SERINC5: variants seen among roughly 807,000 people sequenced by gnomAD.
The protein encoded by SERINC5 is serine incorporator 5.
In SERINC5, 41 loss-of-function variants were observed where a neutral mutation model predicts 63.1. That is an observed-to-expected ratio of 0.65 (90% CI 0.51 to 0.84). The LOEUF (loss-of-function observed/expected upper bound fraction) is 0.84. Ranked by LOEUF, SERINC5 falls within the 40% of genes least tolerant of loss-of-function variation. SERINC5 has a pLI of 0.00. For missense variants in SERINC5, 523 were observed against 573.0 expected, an observed-to-expected ratio of 0.91 and a Z score of 0.89; for synonymous variants, 222 against 215.2, an observed-to-expected ratio of 1.03 and a Z score of -0.28.
intron 2 of SERINC5, among the ~76,000 whole-genome samples, chr5:80,193,130 AT>A (rs1561413165): frequency 6.6e-6 from 1 of 152,166 alleles, no homozygotes; most frequent in East Asian, 1.9e-4. Context: ...CAGCTAGGCA[AT>A]TTTTTAAACT....
At chr5:80,119,338 G>A (rs111660915) in intron 11 of SERINC5, among the ~76,000 whole-genome samples, 5 of 152,188 alleles carry the variant, frequency 3.3e-5, no homozygotes, top group African/African-American at 9.7e-5. Context: ...AAGGTGGGGT[G>A]ACAAACTGGC....
intron 1 of SERINC5, among the ~76,000 whole-genome samples, chr5:80,226,043 G>GAAA (rs57623969): frequency 1.4e-5 from 2 of 145,740 alleles, no homozygotes; most frequent in Non-Finnish European, 1.5e-5. Context: ...CTCCCCAAAG[G>GAAA]AAAAAAAAAA....
intron 2 of SERINC5, among the ~76,000 whole-genome samples, chr5:80,191,479 CAAAAAAA>C (rs1167390197): frequency 5.4e-4 from 21 of 38,542 alleles, no homozygotes; most frequent in African/African-American, 9.8e-4. Context: ...TCCATCTCTA[CAAAAAAA>C]AAAAAAAAAG....
intron 2 of SERINC5, among the ~76,000 whole-genome samples, 178 bp downstream of exon 2, chr5:80,202,708 T>C (rs1010687492): frequency 6.6e-6 from 1 of 152,204 alleles, no homozygotes; most frequent in Admixed American, 6.5e-5. Context: ...GGTTTTCCTG[T>C]TTAGCCAGAA....
At chr5:80,167,514 C>T (rs1312061109) in intron 6 of SERINC5, among the ~76,000 whole-genome samples, 2 of 152,068 alleles carry the variant, frequency 1.3e-5, no homozygotes, top group African/African-American at 4.8e-5. Context: ...TCGGTGATTC[C>T]ATATCTTTGC....
chr5:80,219,432 ATCT>A (rs1373128763), intron 1 of SERINC5, among the ~76,000 whole-genome samples: 1 of 152,180 alleles, frequency 6.6e-6, no homozygotes, highest in Non-Finnish European at 1.5e-5. Context: ...CTTGAAATTC[ATCT>A]TCTTCTTCCA....
intron 1 of SERINC5, among the ~76,000 whole-genome samples, chr5:80,209,586 T>C (rs1322340884): frequency 6.6e-6 from 1 of 152,182 alleles, no homozygotes; most frequent in South Asian, 2.1e-4. Context: ...TACACATATG[T>C]GTAGATACAA....
chr5:80,139,298 T>C lies in SERINC5; in HGVS notation c.*4365A>G. ...ACAATCCTCTTAAATTTCTTATAAA[T>C]AGCTCTCCAGACATATATTACAAAT... is the stretch of plus-strand genomic sequence containing the variant. On this transcript the variant is annotated 3_prime_UTR_variant, in exon 12 of 12. Transcript: ENST00000507668. 1 of 978,722 alleles carries C rather than the reference T, an allele frequency of 1.0e-6. No individual in the cohort carries two copies. The highest frequency in any genetic ancestry group is 1.2e-6 in the Non-Finnish European group (1 of 823,852). 60.6% of individuals were successfully genotyped at this position (978,722 alleles called of 1,614,324 possible).
intron 2 of SERINC5, among the ~76,000 whole-genome samples, chr5:80,191,109 C>T (rs1206632257): frequency 7.2e-6 from 1 of 138,424 alleles, no homozygotes; most frequent in Non-Finnish European, 1.6e-5. Context: ...AAACAAAAAC[C>T]AAAAAAAAAA....
intron 1 of SERINC5, among the ~76,000 whole-genome samples, chr5:80,249,737 G>A (rs576889536): frequency 1.3e-5 from 2 of 152,184 alleles, no homozygotes; most frequent in East Asian, 1.9e-4. Flanking sequence ...GGGAGGCGGA[G>A]GTTGCAGTGA....
At chr5:80,221,591 T>G (rs528761086) in intron 1 of SERINC5, among the ~76,000 whole-genome samples, 1 of 152,220 alleles carries the variant, frequency 6.6e-6, no homozygotes, top group African/African-American at 2.4e-5. Flanking sequence ...ATCTTGTCTA[T>G]GTTTTCAAGG....
intron 1 of SERINC5, among the ~76,000 whole-genome samples, chr5:80,249,085 C>T (rs1054134284): frequency 6.6e-6 from 1 of 152,034 alleles, no homozygotes; most frequent in African/African-American, 2.4e-5. Context: ...GAGGCCAAGG[C>T]GGGTGGATCA....
chr5:80,244,452 G>C (rs1424167262), intron 1 of SERINC5, among the ~76,000 whole-genome samples: 1 of 151,884 alleles, frequency 6.6e-6, no homozygotes, highest in Non-Finnish European at 1.5e-5. Context: ...CTGACCTCAA[G>C]TGATACGCTG....
In SERINC5 at chr5:80,158,940, A is replaced by G. The variant is rs150438751; in HGVS notation, c.882T>C (p.Asn294=). The change falls in exon 8 of 12, where the codon AAT becomes AAC. Residue 294 remains asparagine (N), a synonymous_variant. Coordinates refer to ENST00000507668, the MANE Select transcript of SERINC5 (RefSeq NM_001174072.3). ...AEVVLDEHGK[N]VTICVPDFGQ... Reference sequence around the variant, plus strand: ...CAAAGTCAGGCACACAGATTGTAACATTTTTCCCATGTTCATCTAGAACTT... The same window carrying G: ...CAAAGTCAGGCACACAGATTGTAACGTTTTTCCCATGTTCATCTAGAACTT... 4.6e-4 allele frequency: 741 copies of G among 1,613,782 alleles called. 2 individuals carry two copies. The African/African-American group carries it at 8.9e-3, about 19-fold the overall frequency.
Position 80,235,078 on chromosome 5 carries a change from A to C in SERINC5, c.27+20818T>G, listed in dbSNP as rs535072400. Among the ~76,000 whole-genome samples, 24 of 152,280 alleles carry C rather than the reference A, an allele frequency of 1.6e-4. No individual in the cohort carries two copies. In the South Asian group the frequency reaches 4.6e-3, roughly 29 times the overall value. The stretch of plus-strand genomic sequence containing the variant: ...TGAATCGCTATACCCACTAAACACA[A>C]GTTCTCCCTCCTACCTCCTCTGGGC... On this transcript the variant is annotated intron_variant, in intron 1 of 11. Coordinates refer to ENST00000507668, the MANE Select transcript of SERINC5 (RefSeq NM_001174072.3).
intron 2 of SERINC5, among the ~76,000 whole-genome samples, chr5:80,182,874 C>T (rs549294348): frequency 6.6e-6 from 1 of 152,068 alleles, no homozygotes; most frequent in Admixed American, 6.6e-5. Flanking sequence ...ATTGCTTTTT[C>T]TCCTGTAATT....
intron 2 of SERINC5, among the ~76,000 whole-genome samples, chr5:80,179,073 G>A (rs1748245386): frequency 6.6e-6 from 1 of 152,188 alleles, no homozygotes; most frequent in African/African-American, 2.4e-5. Context: ...GCCGAGGTGG[G>A]TGGATCACCT....
chr5:80,145,214 A>G (rs1745741136), intron 11 of SERINC5, among the ~76,000 whole-genome samples: 1 of 151,968 alleles, frequency 6.6e-6, no homozygotes, highest in Non-Finnish European at 1.5e-5. Context: ...GTGTGGTGGC[A>G]GCACCTGTAA....
intron 2 of SERINC5, among the ~76,000 whole-genome samples, chr5:80,186,272 G>C (rs547295275): frequency 5.3e-5 from 8 of 152,122 alleles, no homozygotes; most frequent in Admixed American, 3.9e-4. Context: ...GAGTAGCTGG[G>C]ATTACAGGTG....
Sources: allele counts gnomAD v4.1 joint callset (sites outside exome capture counted in the v4.1 genomes callset), GRCh38; gene constraint gnomAD v4.1.1; transcripts MANE v1.5; gene names NCBI Gene and HGNC (gene_info 2026-07-23, HGNC 2026-07-21).